Variants in PDZRN4 observed in about 807,000 individuals in gnomAD.
PDZRN4 encodes the protein PDZ domain-containing RING finger protein 4.
A neutral mutation model predicts 99.0 loss-of-function variants in PDZRN4; 70 were observed. That is an observed-to-expected ratio of 0.71 (90% CI 0.58 to 0.86). The LOEUF (loss-of-function observed/expected upper bound fraction) is 0.86. Among genes scored for constraint, PDZRN4 ranks in the 40% least tolerant of loss-of-function variants. The probability of loss-of-function intolerance (pLI) is 0.00; values close to 1 mark genes in which losing one functional copy is unlikely to be tolerated. For synonymous variants in PDZRN4, 551 were observed against 501.6 expected (o/e 1.10, Z -1.32); for missense variants, 1,474 against 1,331.2 (o/e 1.11, Z -1.67).
chr12:41,563,749 C>A, intron 8 of PDZRN4, 100 bp downstream of exon 8: 1 of 801,582 alleles, frequency 1.2e-6, no homozygotes, highest in Admixed American at 2.4e-5. Context: ...CTGCTATTCT[C>A]TATCAAATCA....
intron 3 of PDZRN4, among the ~76,000 whole-genome samples, chr12:41,321,998 T>A (rs10880029): frequency 6.6e-6 from 1 of 151,908 alleles, no homozygotes; most frequent in African/African-American, 2.4e-5. Flanking sequence ...AACACACCTC[T>A]GGGCTGGTGC....
At chr12:41,313,551 C>A (rs780262410) in intron 3 of PDZRN4, among the ~76,000 whole-genome samples, 1 of 152,146 alleles carries the variant, frequency 6.6e-6, no homozygotes, top group Non-Finnish European at 1.5e-5. Flanking sequence ...GTCTCCCCAG[C>A]TTCCCTGAGA....
intron 3 of PDZRN4, among the ~76,000 whole-genome samples, chr12:41,204,291 C>T (rs1950834357): frequency 6.6e-6 from 1 of 151,900 alleles, no homozygotes; most frequent in Non-Finnish European, 1.5e-5. Context: ...TCAAAGAGGT[C>T]CTCTAAAAAG....
intron 3 of PDZRN4, among the ~76,000 whole-genome samples, chr12:41,483,223 T>C (rs1456221929): frequency 6.6e-6 from 1 of 152,128 alleles, no homozygotes; most frequent in Non-Finnish European, 1.5e-5. Flanking sequence ...TTCTTCTTCA[T>C]TTTTCAATTT....
intron 3 of PDZRN4, among the ~76,000 whole-genome samples, chr12:41,375,413 G>T (rs1000602194): frequency 6.6e-6 from 1 of 152,000 alleles, no homozygotes; most frequent in Non-Finnish European, 1.5e-5. Context: ...AAGAGGAGGG[G>T]ATCTTGAATA....
intron 3 of PDZRN4, among the ~76,000 whole-genome samples, chr12:41,237,949 A>C (rs1256243400): frequency 6.6e-6 from 1 of 152,064 alleles, no homozygotes; most frequent in East Asian, 1.9e-4. Flanking sequence ...TTGGCTACTC[A>C]GGCTCTTTTT....
At chr12:41,207,939 A>G (rs1337499502) in intron 3 of PDZRN4, among the ~76,000 whole-genome samples, 4 of 140,562 alleles carry the variant, frequency 2.8e-5, no homozygotes, top group African/African-American at 9.9e-5. Flanking sequence ...AGTATTAGCC[A>G]TGTTTACAGT....
intron 3 of PDZRN4, among the ~76,000 whole-genome samples, chr12:41,443,168 T>C (rs1035149069): frequency 2.0e-5 from 3 of 152,062 alleles, no homozygotes; most frequent in African/African-American, 7.2e-5. Flanking sequence ...TCTGGTAGCA[T>C]AAGAGAGGCA....
intron 5 of PDZRN4, among the ~76,000 whole-genome samples, chr12:41,520,430 T>A (rs943940489): frequency 1.3e-5 from 2 of 152,090 alleles, no homozygotes; most frequent in Non-Finnish European, 2.9e-5. Context: ...TTAAAGACAC[T>A]TGCAGGCTAG....
chr12:41,262,404 G>A (rs1951246283), intron 3 of PDZRN4, among the ~76,000 whole-genome samples: 1 of 152,116 alleles, frequency 6.6e-6, no homozygotes, highest in Non-Finnish European at 1.5e-5. Flanking sequence ...TGGAATGCCC[G>A]TGGCCTGAGT....
intron 3 of PDZRN4, among the ~76,000 whole-genome samples, chr12:41,341,801 T>A (rs1156800226): frequency 6.6e-6 from 1 of 151,958 alleles, no homozygotes; most frequent in Non-Finnish European, 1.5e-5. Flanking sequence ...TTTAATGCAA[T>A]CATTGTCAAA....
intron 3 of PDZRN4, among the ~76,000 whole-genome samples, chr12:41,351,955 G>A (rs1328487027): frequency 7.5e-6 from 1 of 132,864 alleles, no homozygotes; most frequent in African/African-American, 2.7e-5. Flanking sequence ...GATCAGTCTG[G>A]GCAACAAAGA....
chr12:41,501,704 T>C (rs1210889253), intron 3 of PDZRN4, among the ~76,000 whole-genome samples: 1 of 152,180 alleles, frequency 6.6e-6, no homozygotes, highest in Non-Finnish European at 1.5e-5. Context: ...AATAATAACT[T>C]TTTAGAAACA....
chr12:41,212,769 G>C (rs1950896608), intron 3 of PDZRN4, among the ~76,000 whole-genome samples: 1 of 152,008 alleles, frequency 6.6e-6, no homozygotes, highest in African/African-American at 2.4e-5. Context: ...AGAGATCAAG[G>C]ATTTTTTCTT....
In PDZRN4 at chr12:41,497,663, C is replaced by G. The variant is rs114375274; in HGVS notation, c.844-8793C>G. Among the ~76,000 whole-genome samples the G allele has an allele frequency of 1.7e-3, 264 of 152,200 alleles. 2 individuals carry two copies. Among genetic ancestry groups the G allele is most frequent in the African/African-American group, 6.0e-3 (251 of 41,544 alleles). ...AATTAGCCAGGAGGCAGCCATCTATCTTTTTAAATAGCTCAGCTTGGAGAG... is the reference window on the plus strand; with the variant it reads ...AATTAGCCAGGAGGCAGCCATCTATGTTTTTAAATAGCTCAGCTTGGAGAG... On this transcript the variant is annotated intron_variant, in intron 3 of 9. Transcript: ENST00000402685.
At chr12:41,497,533 C>G (rs141635278) in intron 3 of PDZRN4, among the ~76,000 whole-genome samples, 44 of 152,136 alleles carry the variant, frequency 2.9e-4, no homozygotes, top group African/African-American at 1.0e-3. Context: ...GTTAGCCAAC[C>G]ATTTCATCAG....
intron 3 of PDZRN4, among the ~76,000 whole-genome samples, chr12:41,477,118 A>G (rs190671184): frequency 7.4e-4 from 113 of 152,296 alleles, no homozygotes; most frequent in Admixed American, 4.2e-3. Flanking sequence ...TACACCTCCC[A>G]TTAAGATATA....
At chr12:41,318,513 CT>C (rs1273857502) in intron 3 of PDZRN4, among the ~76,000 whole-genome samples, 5 of 152,208 alleles carry the variant, frequency 3.3e-5, no homozygotes, top group Non-Finnish European at 7.3e-5. Context: ...TCTCACTGAG[CT>C]TCTGCATATG....
At chr12:41,299,828 C>T (rs1440716856) in intron 3 of PDZRN4, among the ~76,000 whole-genome samples, 1 of 151,914 alleles carries the variant, frequency 6.6e-6, no homozygotes, top group Non-Finnish European at 1.5e-5. Context: ...TAAGATATTA[C>T]ACAAGTTATT....
Sources: allele counts gnomAD v4.1 joint callset (sites outside exome capture counted in the v4.1 genomes callset), GRCh38; gene constraint gnomAD v4.1.1; transcripts MANE v1.5; gene names NCBI Gene and HGNC (gene_info 2026-07-23, HGNC 2026-07-21).